The following IQSEC2 variants were observed in gnomAD, a reference collection of about 807,000 sequenced individuals.
The protein encoded by IQSEC2 is IQ motif and SEC7 domain-containing protein 2.
A neutral mutation model predicts 74.6 loss-of-function variants in IQSEC2; 6 were observed. The ratio of observed to expected loss-of-function variants is 0.08; its 90% CI spans 0.04 to 0.16. The LOEUF (loss-of-function observed/expected upper bound fraction) is 0.16, where lower values mean the gene tolerates loss of function less well. Ranked by LOEUF, IQSEC2 falls within the 10% of genes least tolerant of loss-of-function variation. IQSEC2 has a pLI of 1.00. For synonymous variants in IQSEC2, 494 were observed against 544.5 expected, an observed-to-expected ratio of 0.91 and a Z score of 1.29; for missense variants, 734 against 1,306.2, an observed-to-expected ratio of 0.56 and a Z score of 6.75.
At chrX:53,317,680 A>G (rs1156412802) in intron 1 of IQSEC2, among the ~76,000 whole-genome samples, 2 of 112,054 alleles carry the variant, frequency 1.8e-5, no homozygotes, top group Non-Finnish European at 3.8e-5. Context: ...CTGGGGACCA[A>G]GAGAGCCCAG....
intron 4 of IQSEC2, among the ~76,000 whole-genome samples, chrX:53,252,423 T>TA (rs1342589644): frequency 9.1e-6 from 1 of 109,820 alleles, no homozygotes; most frequent in African/African-American, 3.3e-5. Context: ...TTTAAAACAT[T>TA]AAAAAAAATT....
At chrX:53,282,352 T>C (rs1406907944) in intron 2 of IQSEC2, among the ~76,000 whole-genome samples, 1 of 113,071 alleles carries the variant, frequency 8.8e-6, no homozygotes, top group Non-Finnish European at 1.9e-5. Context: ...CCAGGTGCCC[T>C]GGCTCCCTGC....
chrX:53,288,261 C>G (rs1281069364), intron 2 of IQSEC2, among the ~76,000 whole-genome samples: 1 of 111,744 alleles, frequency 8.9e-6, no homozygotes, highest in Non-Finnish European at 1.9e-5. Context: ...CTAATCCAAA[C>G]TCCTGTAGGA....
Position 53,238,063 on chromosome X carries a change from A to G in IQSEC2, c.3277+82T>C, listed in dbSNP as rs180733574. ...TTGGACAAGCTAACCCTCAACTCTGAGATTCTCTGAGGATAGGATTCTTGG... is the reference window on the plus strand; with the variant it reads ...TTGGACAAGCTAACCCTCAACTCTGGGATTCTCTGAGGATAGGATTCTTGG... On this transcript the variant is annotated intron_variant, in intron 12 of 14. Coordinates refer to ENST00000642864, the MANE Select transcript of IQSEC2 (RefSeq NM_001111125.3). The G allele has an allele frequency of 3.8e-6, 4 of 1,048,359 alleles. No individual in the cohort carries two copies. The Admixed American group carries it at 1.0e-4, about 27-fold the overall frequency. The allele number at this position is 1,048,359 out of a possible 1,213,427, so 86.4% of individuals were successfully genotyped here.
intron 2 of IQSEC2, among the ~76,000 whole-genome samples, chrX:53,284,029 G>A (rs1368571245): frequency 8.1e-5 from 9 of 111,270 alleles, no homozygotes; most frequent in Non-Finnish European, 1.5e-4. Flanking sequence ...GACTGGAGAT[G>A]GAGGTGGGGG....
chrX:53,277,280 C>T (rs782636740), intron 2 of IQSEC2, among the ~76,000 whole-genome samples: 3 of 109,970 alleles, frequency 2.7e-5, no homozygotes, highest in Admixed American at 9.7e-5. Context: ...GGCGCAATCT[C>T]GGCTCACTGC....
downstream of IQSEC2, among the ~76,000 whole-genome samples, chrX:53,228,226 C>T (rs1250170599): frequency 1.8e-5 from 2 of 112,020 alleles, no homozygotes; most frequent in Non-Finnish European, 3.8e-5. Flanking sequence ...AACTGAAGCT[C>T]AGGGAAGTGT....
At chrX:53,262,674 C>G (rs1328922963) in intron 2 of IQSEC2, among the ~76,000 whole-genome samples, 9 of 111,805 alleles carry the variant, frequency 8.0e-5, no homozygotes, top group African/African-American at 2.3e-4. Context: ...GTTCTGCTGC[C>G]CAATCCCAGT....
At position 53,236,486 on chromosome X, in the gene IQSEC2, T is replaced by A; in HGVS notation, c.3287A>T (p.Glu1096Val). ...MEKYRVESEL[E>V]KQKGMMRPNA... ...AGGCCGCATCATACCTTTCTGCTTCTCCAGCTCCGCTGGGTGGCAGTCGGG... is the reference window on the plus strand; with the variant it reads ...AGGCCGCATCATACCTTTCTGCTTCACCAGCTCCGCTGGGTGGCAGTCGGG... The change falls in exon 13 of 15, where the codon GAG becomes GTG. Residue 1096 changes from glutamate to valine, a missense_variant. This residue lies in a region of IQSEC2 where 249 missense variants were observed against 467.9 expected (regional missense o/e 0.53). Transcript: ENST00000642864. 2 of 1,195,131 alleles carry A rather than the reference T, an allele frequency of 1.7e-6. No individual in the cohort carries two copies. The highest frequency in any genetic ancestry group is 2.3e-6 in the Non-Finnish European group (2 of 886,618).
chrX:53,262,348 G>T (rs1247606057), intron 2 of IQSEC2, among the ~76,000 whole-genome samples: 5 of 112,233 alleles, frequency 4.5e-5, no homozygotes, highest in Non-Finnish European at 9.4e-5. Context: ...CAGCCAGCAG[G>T]GGATGGGATC....
chrX:53,288,387 C>A (rs2075054937), intron 2 of IQSEC2, among the ~76,000 whole-genome samples: 1 of 105,653 alleles, frequency 9.5e-6, no homozygotes, highest in Non-Finnish European at 2.0e-5. Context: ...AGCGGCTCCC[C>A]CACCCCCTCC....
intron 1 of IQSEC2, among the ~76,000 whole-genome samples, chrX:53,307,886 A>T (rs1556877089): frequency 1.2e-5 from 1 of 82,098 alleles, no homozygotes; most frequent in East Asian, 3.5e-4. Flanking sequence ...GGCCCTGTCT[A>T]AAAAAAAAAA....
At chrX:53,308,030 G>T (rs2075282815) in intron 1 of IQSEC2, among the ~76,000 whole-genome samples, 1 of 109,175 alleles carries the variant, frequency 9.2e-6, no homozygotes, top group South Asian at 4.0e-4. Context: ...CGGGCATAGT[G>T]GTGGGCACCT....
chrX:53,238,660 G>C (rs1396737683), intron 11 of IQSEC2, among the ~76,000 whole-genome samples: 2 of 109,297 alleles, frequency 1.8e-5, no homozygotes, highest in African/African-American at 6.7e-5. Context: ...TTACAGGTGT[G>C]AGCCACCATG....
chrX:53,320,009 C>G (rs1307628894), intron 1 of IQSEC2, among the ~76,000 whole-genome samples: 2 of 91,554 alleles, frequency 2.2e-5, no homozygotes, highest in Admixed American at 1.3e-4. Flanking sequence ...AAAAAAAAGG[C>G]GGGGGTGGGG....
intron 12 of IQSEC2, among the ~76,000 whole-genome samples, chrX:53,236,876 T>C (rs1556859840): frequency 2.7e-5 from 3 of 111,369 alleles, no homozygotes; most frequent in Non-Finnish European, 3.8e-5. Context: ...TCATGGCAGA[T>C]GGTTCACAGT....
intron 6 of IQSEC2, 125 bp from the exon 7 acceptor site, chrX:53,248,361 C>G: frequency 1.2e-6 from 1 of 858,545 alleles, no homozygotes; most frequent in Non-Finnish European, 1.7e-6. Context: ...ACCTGTGGCC[C>G]GAGCAAGTAC....
chrX:53,303,409 G>A (rs1427997719), intron 1 of IQSEC2, among the ~76,000 whole-genome samples: 3 of 111,309 alleles, frequency 2.7e-5, no homozygotes, highest in Non-Finnish European at 5.7e-5. Context: ...CACAAGTGGC[G>A]TGAAGACCTA....
intron 1 of IQSEC2, among the ~76,000 whole-genome samples, chrX:53,310,603 C>T (rs1376297276): frequency 9.0e-6 from 1 of 110,541 alleles, no homozygotes; most frequent in Non-Finnish European, 1.9e-5. Context: ...AAAACAAAGA[C>T]ACCCGGGGTA....
Sources: gnomAD v4.1 joint callset for allele counts (sites outside exome capture counted in the v4.1 genomes callset) on GRCh38, gnomAD v4.1.1 for gene constraint, gnomAD v4.1.1 regional missense constraint, MANE v1.5 for transcripts, NCBI Gene and HGNC (gene_info 2026-07-23, HGNC 2026-07-21) for gene names.